LPA: variants seen among roughly 807,000 people sequenced by gnomAD.
The protein encoded by LPA is lipoprotein(a).
In LPA, 199 loss-of-function variants were observed where a neutral mutation model predicts 197.9. The ratio of observed to expected loss-of-function variants is 1.01; its 90% confidence interval spans 0.90 to 1.13. The LOEUF (loss-of-function observed/expected upper bound fraction) is 1.13, where lower values mean the gene tolerates loss of function less well. LPA is among the 50% of genes most tolerant of loss of function. The pLI, the probability that LPA is intolerant of heterozygous loss-of-function variation, is 0.00. For missense variants in LPA, 1,853 were observed against 1,785.8 expected (o/e 1.04, Z -0.68); for synonymous variants, 715 against 639.5 (o/e 1.12, Z -1.78).
In LPA at chr6:160,591,107, A is replaced by G; in HGVS notation, c.3630-6T>C. ...AGTAGTTCCTGGTCAGGCCACTGCA[A>G]ATTACAAAACAATACAGTTCACCAG... On this transcript the variant is annotated splice_polypyrimidine_tract_variant and splice_region_variant and intron_variant, in intron 22 of 38. Coordinates refer to ENST00000316300, the MANE Select transcript of LPA (RefSeq NM_005577.4). 6.2e-7 allele frequency: 1 copy of G among 1,613,316 alleles called. No individual in the cohort carries two copies. The highest frequency in any genetic ancestry group is 8.5e-7 in the Non-Finnish European group (1 of 1,179,844).
chr6:160,555,922 G>A, intron 30 of LPA, 103 bp downstream of exon 30: 1 of 1,112,878 alleles, frequency 9.0e-7, no homozygotes, highest in Non-Finnish European at 1.4e-6. Flanking sequence ...CACCTTCTGG[G>A]TCTAAGGGAA....
chr6:160,611,532 A>G (rs76924353), intron 16 of LPA, 30 bp downstream of exon 16: 2 of 1,606,602 alleles, frequency 1.2e-6, no homozygotes, highest in East Asian at 2.2e-5. Context: ...TTGGCCCTTT[A>G]TTCTCTTATG....
chr6:160,589,626 C>G lies in LPA; in HGVS notation c.3874G>C (p.Gly1292Arg), dbSNP rs747341033. The G allele has an allele frequency of 4.3e-6, 7 of 1,613,948 alleles. No individual in the cohort carries two copies. The highest frequency in any genetic ancestry group is 5.9e-6 in the Non-Finnish European group (7 of 1,179,870). The change falls in exon 24 of 39, where the codon GGA becomes CGA. Residue 1292 changes from glycine to arginine, a missense_variant. This residue lies in a region of LPA where 1,737 missense variants were observed against 1,504.4 expected (regional missense o/e 1.15). Transcript: ENST00000316300. ...GAGGACCAAGACTGACATGTCCTTC[C>G]TGTAACAGTGGTGGAGAATGAGCCT... ...YRGSFSTTVT[G>R]RTCQSWSSMT...
intron 30 of LPA, among the ~76,000 whole-genome samples, 177 bp from the exon 31 acceptor site, chr6:160,548,836 T>A (rs1487219069): frequency 1.3e-5 from 2 of 152,210 alleles, no homozygotes; most frequent in Non-Finnish European, 2.9e-5. Flanking sequence ...TGTGCATGCC[T>A]TTCAAAGATA....
At chr6:160,590,891 C>G in intron 23 of LPA, 53 bp downstream of exon 23, 2 of 1,612,066 alleles carry the variant, frequency 1.2e-6, no homozygotes, top group Non-Finnish European at 1.7e-6. Flanking sequence ...GATTTTGCAA[C>G]TCTTTTTATC....
At chr6:160,653,951 TATATATAATATATA>T (rs1780053078) in intron 1 of LPA, among the ~76,000 whole-genome samples, 12 of 30,620 alleles carry the variant, frequency 3.9e-4, no homozygotes, top group South Asian at 9.4e-4. Flanking sequence ...TTATATATAT[TATATATAATATATA>T]TTATATATAA....
chr6:160,595,260 G>T, intron 21 of LPA, 94 bp downstream of exon 21: 1 of 1,471,530 alleles, frequency 6.8e-7, no homozygotes, highest in Non-Finnish European at 9.4e-7. Flanking sequence ...ACTTGGAATT[G>T]TGTGAGCATG....
chr6:160,537,228 C>T (rs111696723), intron 37 of LPA, among the ~76,000 whole-genome samples: 101 of 152,284 alleles, frequency 6.6e-4, no homozygotes, highest in African/African-American at 2.3e-3. Flanking sequence ...GCTGATACCA[C>T]ATCATGCACA....
chr6:160,575,110 G>T (rs985744130), intron 28 of LPA, among the ~76,000 whole-genome samples: 1 of 151,912 alleles, frequency 6.6e-6, no homozygotes, highest in Non-Finnish European at 1.5e-5. Flanking sequence ...ATTTAACCAA[G>T]AAGATTTGCC....
At position 160,593,800 on chromosome 6, in the gene LPA, T is replaced by C. The variant is rs543883748; in HGVS notation, c.3629+158A>G. On this transcript the variant is annotated intron_variant, in intron 22 of 38. Coordinates refer to ENST00000316300, the MANE Select transcript of LPA (RefSeq NM_005577.4). Reference sequence around the variant, plus strand: ...GAGAGCTGGCCTGACATTTCTCTCCTTTCAGACACTGTGCCTGAAGAAAGA... The same window carrying C: ...GAGAGCTGGCCTGACATTTCTCTCCCTTCAGACACTGTGCCTGAAGAAAGA... 7.9e-5 allele frequency among the ~76,000 whole-genome samples: 12 copies of C among 152,330 alleles called. No homozygotes were observed. The South Asian group carries it at 8.3e-4, about 11-fold the overall frequency.
chr6:160,576,690 G>GTA (rs71033585), intron 28 of LPA, among the ~76,000 whole-genome samples: 13,017 of 75,858 alleles, frequency 0.17, 994 homozygotes, highest in East Asian at 0.38. Context: ...GTGTGTGTGT[G>GTA]TATATATATA....
chr6:160,600,790 C>A, intron 19 of LPA, 127 bp downstream of exon 19: 1 of 1,096,212 alleles, frequency 9.1e-7, no homozygotes, highest in Non-Finnish European at 1.4e-6. Flanking sequence ...AGGCTTCCTC[C>A]CACATGGCAG....
chr6:160,610,741 C>G (rs950141056), intron 16 of LPA, among the ~76,000 whole-genome samples: 1 of 152,150 alleles, frequency 6.6e-6, no homozygotes. Context: ...TAGATGGCTA[C>G]AGGCTGCTTG....
chr6:160,593,841 A>G, intron 22 of LPA, 117 bp downstream of exon 22: 2 of 1,294,146 alleles, frequency 1.5e-6, no homozygotes, highest in South Asian at 1.2e-5. Context: ...GAGACATTCT[A>G]CCCAACATTC....
chr6:160,565,193 GT>G (rs1778429744), intron 28 of LPA, among the ~76,000 whole-genome samples: 1 of 152,160 alleles, frequency 6.6e-6, no homozygotes, highest in South Asian at 2.1e-4. Flanking sequence ...CCAGCAGAGA[GT>G]TTGAGATCTG....
intron 18 of LPA, among the ~76,000 whole-genome samples, chr6:160,603,233 GGTGTGTGTGT>G (rs72482597): frequency 6.9e-6 from 1 of 144,760 alleles, no homozygotes; most frequent in Non-Finnish European, 1.5e-5. Context: ...TATTTGTGGA[GGTGTGTGTGT>G]GTGTGTGTGT....
intron 1 of LPA, among the ~76,000 whole-genome samples, chr6:160,654,815 T>A (rs1780103412): frequency 6.6e-6 from 1 of 152,198 alleles, no homozygotes. Flanking sequence ...ACACATGCAT[T>A]TAGAAAGTGG....
At chr6:160,593,386 C>A (rs1199628087) in intron 22 of LPA, among the ~76,000 whole-genome samples, 1 of 152,132 alleles carries the variant, frequency 6.6e-6, no homozygotes, top group Non-Finnish European at 1.5e-5. Flanking sequence ...GTCCATCTTC[C>A]TGCATGTGTA....
chr6:160,571,718 C>T (rs1389359686), intron 28 of LPA, among the ~76,000 whole-genome samples: 2 of 152,154 alleles, frequency 1.3e-5, no homozygotes, highest in Admixed American at 6.5e-5. Context: ...TGTGGATACC[C>T]CTCCTCCCAC....
Sources: gnomAD v4.1 joint callset for allele counts (sites outside exome capture counted in the v4.1 genomes callset) on GRCh38, gnomAD v4.1.1 for gene constraint, gnomAD v4.1.1 regional missense constraint, MANE v1.5 for transcripts, NCBI Gene and HGNC (gene_info 2026-07-23, HGNC 2026-07-21) for gene names.